Variants in MDFI observed in about 807,000 individuals in gnomAD.
MDFI encodes the protein MyoD family inhibitor.
Under a neutral mutation model 22.3 loss-of-function variants are expected in MDFI, and 16 were observed. The ratio of observed to expected loss-of-function variants is 0.72; its 90% confidence interval spans 0.49 to 1.09. The LOEUF is 1.09. Among genes scored for constraint, MDFI ranks in the 50% least tolerant of loss-of-function variants. The pLI, the probability that MDFI is intolerant of heterozygous loss-of-function variation, is 0.00. For synonymous variants in MDFI, 145 were observed against 142.7 expected, an observed-to-expected ratio of 1.02 and a Z score of -0.12; for missense variants, 314 against 326.1, an observed-to-expected ratio of 0.96 and a Z score of 0.29.
At chr6:41,652,340 C>G (rs1768300534) in intron 4 of MDFI, among the ~76,000 whole-genome samples, 2 of 152,202 alleles carry the variant, frequency 1.3e-5, no homozygotes, top group Admixed American at 6.5e-5. Flanking sequence ...TAAGAGGGCA[C>G]AGGGACCACA....
intron 2 of MDFI, among the ~76,000 whole-genome samples, chr6:41,643,584 G>GGGAGGGAGGGAGGGAAGGAGGGGA (rs1767939279): frequency 1.8e-5 from 1 of 55,904 alleles, no homozygotes; most frequent in African/African-American, 8.3e-5. Context: ...GAAGGAGGGA[G>GGGAGGGAGGGAGGGAAGGAGGGGA]GGAGGGAGGG....
Position 41,638,627 on chromosome 6 carries a change from AAG to A in MDFI, c.-32_-31del. On this transcript the variant is annotated 5_prime_UTR_variant, in exon 1 of 5. An upstream open reading frame in the 5' UTR loses its in-frame stop. Transcript: ENST00000230321. This position sits in a 1 kb window ranked among gnomAD's most constrained non-coding sequence, Gnocchi z 7.6. ...GGGCCCCGCGCGGGGATCCGGCTGG[AAG>A]AGAGCGTAGCACGGCTCGCACGAGT... The A allele has an allele frequency of 1.7e-6, 2 of 1,189,928 alleles. No individual in the cohort carries two copies. The highest frequency in any genetic ancestry group is 2.8e-5 in the East Asian group (1 of 35,986). The allele number at this position is 1,189,928 out of a possible 1,614,324, so 73.7% of individuals were successfully genotyped here. A position where few individuals can be genotyped will look rare whatever the true frequency, so the allele number is the denominator to read the frequency against.
intron 2 of MDFI, chr6:41,640,026 C>A: frequency 1.3e-6 from 1 of 788,090 alleles, no homozygotes; most frequent in Non-Finnish European, 1.5e-6. Flanking sequence ...AGTGTGTCTA[C>A]AGCCCATCTT....
intron 2 of MDFI, chr6:41,639,677 G>A (rs1440997005): frequency 1.0e-6 from 1 of 985,432 alleles, no homozygotes; most frequent in East Asian, 1.1e-4. Context: ...CAGGAGTGTG[G>A]ACCCGGATTT....
At chr6:41,641,531 CCT>C (rs930417451) in intron 2 of MDFI, among the ~76,000 whole-genome samples, 59 of 152,236 alleles carry the variant, frequency 3.9e-4, no homozygotes, top group Middle Eastern at 3.4e-3. Flanking sequence ...AACACAGGAT[CCT>C]GGTACATTGA....
intron 2 of MDFI, among the ~76,000 whole-genome samples, chr6:41,641,794 C>T (rs1767861361): frequency 6.6e-6 from 1 of 152,172 alleles, no homozygotes; most frequent in East Asian, 1.9e-4. Flanking sequence ...TTGGCTGAAA[C>T]TCCCATGGGC....
At chr6:41,651,551 A>G (rs1768273382) in intron 4 of MDFI, among the ~76,000 whole-genome samples, 1 of 152,194 alleles carries the variant, frequency 6.6e-6, no homozygotes, top group South Asian at 2.1e-4. Context: ...CCAGGCAGTA[A>G]GCCTAGACTA....
intron 2 of MDFI, chr6:41,639,103 CA>C (rs1767750142): frequency 2.0e-6 from 1 of 506,878 alleles, no homozygotes; most frequent in Non-Finnish European, 2.5e-6. Flanking sequence ...CACACAAACA[CA>C]CACACATACA....
At chr6:41,640,515 G>C (rs1467576876) in intron 2 of MDFI, among the ~76,000 whole-genome samples, 1 of 152,164 alleles carries the variant, frequency 6.6e-6, no homozygotes, top group Admixed American at 6.5e-5. Flanking sequence ...TCAAGGCTTC[G>C]CTCTGCCACC....
chr6:41,647,901 G>A (rs1581838581), intron 3 of MDFI, among the ~76,000 whole-genome samples: 2 of 151,866 alleles, frequency 1.3e-5, no homozygotes, highest in East Asian at 3.9e-4. Flanking sequence ...AAATTAGCCG[G>A]GCGTGGTGGC....
At position 41,654,216 on chromosome 6, in the gene MDFI, G is replaced by A. The variant is rs1267049645; in HGVS notation, c.*641G>A. 2 of 157,490 alleles carry A rather than the reference G, an allele frequency of 1.3e-5. No homozygotes were observed. The highest frequency in any genetic ancestry group is 4.8e-5 in the African/African-American group (2 of 41,478). The allele number at this position is 157,490 out of a possible 1,614,324, so 9.8% of individuals were successfully genotyped here. ...GGAGGGAGGGTCTGTTCTATCTGTT[G>A]CTGTAAATAAAGATATTTGTCCATC... is the stretch of plus-strand genomic sequence containing the variant. On this transcript the variant is annotated 3_prime_UTR_variant, in exon 5 of 5. Transcript: ENST00000230321.
At chr6:41,640,220 T>C (rs1767800942) in intron 2 of MDFI, among the ~76,000 whole-genome samples, 1 of 152,126 alleles carries the variant, frequency 6.6e-6, no homozygotes, top group South Asian at 2.1e-4. Context: ...TCCTGCCTCC[T>C]CCCTTCCTCA....
chr6:41,647,304 C>G (rs569160088), intron 3 of MDFI, among the ~76,000 whole-genome samples: 1 of 152,220 alleles, frequency 6.6e-6, no homozygotes, highest in African/African-American at 2.4e-5. Flanking sequence ...GCCCCCACGG[C>G]CATGGCCACA....
intron 2 of MDFI, among the ~76,000 whole-genome samples, 191 bp downstream of exon 2, chr6:41,639,016 C>T (rs576804707): frequency 6.6e-6 from 1 of 152,214 alleles, no homozygotes; most frequent in South Asian, 2.1e-4. Flanking sequence ...GGAGGCAGGG[C>T]CCTGAACAGA....
intron 3 of MDFI, among the ~76,000 whole-genome samples, chr6:41,646,564 A>G (rs1344485441): frequency 6.6e-6 from 1 of 152,162 alleles, no homozygotes; most frequent in Non-Finnish European, 1.5e-5. Context: ...GCATGCGGCT[A>G]CCTGGAGAGA....
chr6:41,639,486 C>T, intron 2 of MDFI: 2 of 985,448 alleles, frequency 2.0e-6, no homozygotes, highest in Non-Finnish European at 2.4e-6. Context: ...GGGGGAGCCT[C>T]TCACGCCAAG....
At chr6:41,637,560 C>T (rs1261982436), upstream of MDFI, among the ~76,000 whole-genome samples, 1 of 152,106 alleles carries the variant, frequency 6.6e-6, no homozygotes, top group Non-Finnish European at 1.5e-5. This position sits in a 1 kb window ranked among gnomAD's most constrained non-coding sequence, Gnocchi z 6.8. Context: ...TGGAGAGCCG[C>T]AGGCTCCAAA....
intron 2 of MDFI, among the ~76,000 whole-genome samples, chr6:41,641,265 G>A (rs1008423117): frequency 6.6e-5 from 10 of 152,206 alleles, no homozygotes; most frequent in Admixed American, 3.3e-4. Context: ...TGGGAGGGCT[G>A]TAGTCTGGTT....
chr6:41,649,960 T>C (rs576552665), intron 4 of MDFI, 117 bp downstream of exon 4: 7 of 868,894 alleles, frequency 8.1e-6, no homozygotes, highest in Middle Eastern at 2.4e-4. Context: ...ATGCAGGATC[T>C]CAGCCTCCTT....
Sources: gnomAD v4.1 joint callset for allele counts (sites outside exome capture counted in the v4.1 genomes callset) on GRCh38, gnomAD v4.1.1 for gene constraint, Gnocchi (gnomAD v3.1) non-coding constraint, MANE v1.5 for transcripts, NCBI Gene and HGNC (gene_info 2026-07-23, HGNC 2026-07-21) for gene names.